The following IPCEF1 variants were observed in gnomAD, a reference collection of about 807,000 sequenced individuals.
The protein encoded by IPCEF1 is interaction protein for cytohesin exchange factors 1.
A neutral mutation model predicts 50.9 loss-of-function variants in IPCEF1; 31 were observed. That is an observed-to-expected ratio of 0.61 (90% CI 0.46 to 0.82). The LOEUF (loss-of-function observed/expected upper bound fraction) is 0.82. IPCEF1 is among the 40% of genes least tolerant of loss of function. The pLI is 0.00. For missense variants in IPCEF1, 458 were observed against 514.0 expected (o/e 0.89, Z 1.05); for synonymous variants, 181 against 192.0 (o/e 0.94, Z 0.47).
At chr6:154,270,625 A>G (rs1371343063) in intron 2 of IPCEF1, among the ~76,000 whole-genome samples, 1 of 152,242 alleles carries the variant, frequency 6.6e-6, no homozygotes, top group Non-Finnish European at 1.5e-5. Context: ...TCTGAATAAA[A>G]TTTTTTGGCT....
intron 5 of IPCEF1, among the ~76,000 whole-genome samples, chr6:154,237,039 A>G (rs757148585): frequency 8.5e-5 from 13 of 152,210 alleles, no homozygotes; most frequent in Non-Finnish European, 1.3e-4. Flanking sequence ...AACATGCTCT[A>G]TGGAAGATTA....
chr6:154,216,758 C>T (rs184819287), intron 7 of IPCEF1, among the ~76,000 whole-genome samples: 49 of 152,290 alleles, frequency 3.2e-4, no homozygotes, highest in African/African-American at 1.1e-3. Context: ...ATCCCAGCTA[C>T]TTGGGAGGCT....
Position 154,247,480 on chromosome 6 carries a change from G to C in IPCEF1, c.45C>G (p.Pro15=). 1 of 1,612,166 alleles carries C rather than the reference G, an allele frequency of 6.2e-7. No homozygotes were observed. Residue 15 remains proline (P), a synonymous_variant, in exon 4 of 12, where the codon CCC becomes CCG. Transcript: ENST00000367220. ...TTTTCCTCCTGGGCTTCTGACGCAA[G>C]GGAACCTGCTGAAAATGCAGGAAGG... is the stretch of plus-strand genomic sequence containing the variant. ...MAIDGSALQV[P]LRQKPRRKTQ...
intron 2 of IPCEF1, among the ~76,000 whole-genome samples, chr6:154,282,508 CT>C (rs1458700084): frequency 1.3e-5 from 2 of 152,014 alleles, no homozygotes; most frequent in Non-Finnish European, 2.9e-5. Flanking sequence ...CGGTGAAACC[CT>C]ATCTCTACTA....
intron 2 of IPCEF1, among the ~76,000 whole-genome samples, chr6:154,284,402 C>G (rs368345128): frequency 4.6e-5 from 7 of 152,330 alleles, no homozygotes; most frequent in African/African-American, 1.2e-4. Flanking sequence ...TACTCTATGT[C>G]TAGTTCTCCT....
intron 1 of IPCEF1, among the ~76,000 whole-genome samples, chr6:154,341,533 T>C (rs908729855): frequency 2.0e-5 from 3 of 152,292 alleles, no homozygotes; most frequent in Admixed American, 6.5e-5. Context: ...GGGGTCTGAA[T>C]AGAGTGCAAT....
intron 1 of IPCEF1, among the ~76,000 whole-genome samples, chr6:154,291,666 C>T (rs2128669431): frequency 6.7e-6 from 1 of 149,502 alleles, no homozygotes; most frequent in Non-Finnish European, 1.5e-5. Flanking sequence ...TAATAATGAT[C>T]ACACTCAGGA....
At position 154,324,047 on chromosome 6, in the gene IPCEF1, C is replaced by T. The variant is rs554250157; in HGVS notation, c.-62+32625G>A. 1.1e-4 allele frequency among the ~76,000 whole-genome samples: 17 copies of T among 152,328 alleles called. No individual in the cohort carries two copies. In the South Asian group the frequency reaches 3.5e-3, roughly 32 times the overall value. On this transcript the variant is annotated intron_variant, in intron 1 of 11. Transcript: ENST00000367220. ...CTAAGTGATGGGTACAGTGGGACTT[C>T]ATTTTATTATTTTGTCTACTTTGAT...
intron 10 of IPCEF1, among the ~76,000 whole-genome samples, chr6:154,179,457 G>C (rs1800647967): frequency 6.6e-6 from 1 of 152,190 alleles, no homozygotes. Context: ...AAGACCGCTT[G>C]TCTCTCTCCC....
intron 5 of IPCEF1, 69 bp downstream of exon 5, chr6:154,246,522 G>T: frequency 6.7e-7 from 1 of 1,483,172 alleles, no homozygotes; most frequent in Non-Finnish European, 9.1e-7. Context: ...TTCCCATAGG[G>T]ATCACCTGAT....
chr6:154,199,997 G>A lies in IPCEF1; in HGVS notation c.581C>T (p.Thr194Met), dbSNP rs145583696. The change falls in exon 10 of 12, where the codon ACG becomes ATG. Residue 194 changes from threonine (T) to methionine (M), a missense_variant. Physicochemically the swap from Thr to Met is moderately conservative, Grantham distance 81 (BLOSUM62 -1). Coordinates refer to ENST00000367220, the MANE Select transcript of IPCEF1 (RefSeq NM_001130700.2). Reference sequence around the variant, plus strand: ...TTCCAGGGAAGAGAAAGAATACGACGTTCCACTCAGGCTGGGTGAGGATGA... The same window carrying A: ...TTCCAGGGAAGAGAAAGAATACGACATTCCACTCAGGCTGGGTGAGGATGA... ...ASSSSPSLSG[T>M]SYSFSSLENT... The A allele has an allele frequency of 9.2e-5, 148 of 1,613,936 alleles. No individual in the cohort carries two copies. Among genetic ancestry groups the A allele is most frequent in the Non-Finnish European group, 1.2e-4 (139 of 1,179,934 alleles).
At chr6:154,305,296 CT>C (rs1000998113) in intron 1 of IPCEF1, among the ~76,000 whole-genome samples, 19 of 152,258 alleles carry the variant, frequency 1.2e-4, no homozygotes, top group African/African-American at 4.3e-4. Context: ...TTTGAGCTCC[CT>C]TTCTCCTTCC....
At chr6:154,206,364 G>A (rs971798461) in intron 9 of IPCEF1, among the ~76,000 whole-genome samples, 1 of 152,106 alleles carries the variant, frequency 6.6e-6, no homozygotes, top group Non-Finnish European at 1.5e-5. Context: ...CATTCACATG[G>A]GGAAATATTT....
At chr6:154,250,626 T>A (rs1345428030) in intron 3 of IPCEF1, among the ~76,000 whole-genome samples, 1 of 152,240 alleles carries the variant, frequency 6.6e-6, no homozygotes, top group East Asian at 1.9e-4. Flanking sequence ...ACTCCTTTGA[T>A]ATTGAATGTT....
At chr6:154,312,755 A>C (rs911938585) in intron 1 of IPCEF1, among the ~76,000 whole-genome samples, 3 of 152,098 alleles carry the variant, frequency 2.0e-5, no homozygotes, top group Non-Finnish European at 2.9e-5. Context: ...TTTCCAAGAG[A>C]GATTTTGAGT....
chr6:154,159,945 C>CA lies in IPCEF1; in HGVS notation c.1199dup (p.Leu401AlafsTer16). On this transcript the variant is annotated frameshift_variant, in exon 12 of 12. Transcript: ENST00000367220. LOFTEE classifies it low-confidence loss of function (END_TRUNC). ...GCTGCTGATAGATGTCCTGGATCAG[C>CA]AGGGTGTTCATGACTTTCCACTCTC... 6.2e-7 allele frequency: 1 copy of CA among 1,613,666 alleles called. No individual in the cohort carries two copies. The highest frequency in any genetic ancestry group is 8.5e-7 in the Non-Finnish European group (1 of 1,179,998).
At chr6:154,248,740 T>TA (rs1781259548) in intron 3 of IPCEF1, among the ~76,000 whole-genome samples, 1 of 152,156 alleles carries the variant, frequency 6.6e-6, no homozygotes, top group African/African-American at 2.4e-5. Context: ...ATCTGCTTCT[T>TA]CATTTATAAA....
At chr6:154,307,637 C>T (rs543820845) in intron 1 of IPCEF1, among the ~76,000 whole-genome samples, 3 of 152,150 alleles carry the variant, frequency 2.0e-5, no homozygotes, top group South Asian at 2.1e-4. Context: ...ATCCCATACC[C>T]GCCAAGTAGT....
intron 10 of IPCEF1, among the ~76,000 whole-genome samples, chr6:154,195,655 CCT>C (rs946832011): frequency 1.3e-5 from 2 of 152,138 alleles, no homozygotes; most frequent in African/African-American, 4.8e-5. Context: ...CTCTTTTAAA[CCT>C]CTCTCTGGAG....
Sources: gnomAD v4.1 joint callset for allele counts (sites outside exome capture counted in the v4.1 genomes callset) on GRCh38, gnomAD v4.1.1 for gene constraint, MANE v1.5 for transcripts, NCBI Gene and HGNC (gene_info 2026-07-23, HGNC 2026-07-21) for gene names.